The following H3C4 variants were observed in gnomAD, a reference collection of about 807,000 sequenced individuals.
The protein encoded by H3C4 is H3 clustered histone 4.
Under a neutral mutation model 8.7 loss-of-function variants are expected in H3C4, and 10 were observed. That is an observed-to-expected ratio of 1.15 (90% CI 0.71 to 1.96). The LOEUF is 1.96. H3C4 is among the 30% of genes most tolerant of loss of function. H3C4 has a pLI of 0.00. For missense variants in H3C4, 216 were observed against 192.9 expected, an observed-to-expected ratio of 1.12 and a Z score of -0.71; for synonymous variants, 141 against 80.1, an observed-to-expected ratio of 1.76 and a Z score of -4.06.
At chr6:26,198,449 A>G (rs768339524), upstream of H3C4, among the ~76,000 whole-genome samples, 1 of 152,114 alleles carries the variant, frequency 6.6e-6, no homozygotes, top group African/African-American at 2.4e-5. Flanking sequence ...CTCCTGCCTC[A>G]ACCTCTTAAA....
chr6:26,199,040 GC>G, upstream of H3C4: 2 of 1,614,182 alleles, frequency 1.2e-6, no homozygotes, highest in Non-Finnish European at 1.7e-6. Context: ...GGGCGGCGTT[GC>G]CCGCCAGCTC....
Position 26,197,252 on chromosome 6 carries a change from G to A in H3C4, c.-2C>T, listed in dbSNP as rs779876735. On this transcript the variant is annotated 5_prime_UTR_variant, in exon 1 of 1. Coordinates refer to ENST00000356476, the MANE Select transcript of H3C4 (RefSeq NM_001376937.1). Reference sequence around the variant, plus strand: ...AGCAGTCTGCTTGGTACGAGCCATTGCGAACTTCTAAACCCTGCTAAATGA... The same window carrying A: ...AGCAGTCTGCTTGGTACGAGCCATTACGAACTTCTAAACCCTGCTAAATGA... 189 of 1,609,528 alleles carry A rather than the reference G, an allele frequency of 1.2e-4. No individual in the cohort carries two copies. The highest frequency in any genetic ancestry group is 1.5e-4 in the Non-Finnish European group (175 of 1,178,922).
chr6:26,199,053 A>G (rs761680583), upstream of H3C4: 3 of 1,614,094 alleles, frequency 1.9e-6, no homozygotes, highest in Non-Finnish European at 2.5e-6. Context: ...CGCCAGCTCC[A>G]GGATCTCGGC....
At chr6:26,197,881 TAAAAAA>T (rs79006416), upstream of H3C4, among the ~76,000 whole-genome samples, 2 of 105,202 alleles carry the variant, frequency 1.9e-5, no homozygotes, top group African/African-American at 7.1e-5. Context: ...TAATCTGCTG[TAAAAAA>T]AAAAAAAAAA....
upstream of H3C4, among the ~76,000 whole-genome samples, chr6:26,198,375 A>G (rs1354226356): frequency 1.3e-5 from 2 of 152,182 alleles, no homozygotes; most frequent in Non-Finnish European, 2.9e-5. Context: ...TCTGTCGCCG[A>G]AACTGGAGTG....
At chr6:26,198,543 A>T (rs1021231197), upstream of H3C4, among the ~76,000 whole-genome samples, 3 of 152,180 alleles carry the variant, frequency 2.0e-5, no homozygotes, top group African/African-American at 7.2e-5. Context: ...CATGTTGGTC[A>T]GGCTGTCCTG....
At chr6:26,198,760 A>G (rs1765047507), upstream of H3C4, 5 of 1,292,522 alleles carry the variant, frequency 3.9e-6, no homozygotes, top group South Asian at 1.3e-5. Context: ...TACACAGAAA[A>G]TGTGAGCCCT....
rs2113856843 is a variant in H3C4 at position 26,197,145 on chromosome 6, C to T, written c.106G>A (p.Val36Met). Residue 36 changes from valine (V) to methionine (M), a missense_variant, in exon 1 of 1, where the codon GTG (valine) becomes ATG (methionine). Coordinates refer to ENST00000356476, the MANE Select transcript of H3C4 (RefSeq NM_001376937.1). The stretch of plus-strand genomic sequence containing the variant: ...GGCCGGTAACGGTGGGGCTTCTTCA[C>T]GCCGCCGGTGGCTGGAGCGCTCTTT... ...ARKSAPATGG[V>M]KKPHRYRPGT... 6.2e-7 allele frequency: 1 copy of T among 1,614,174 alleles called. No homozygotes were observed. The highest frequency in any genetic ancestry group is 1.3e-5 in the African/African-American group (1 of 75,068).
chr6:26,198,701 C>A (rs944562659), upstream of H3C4: 334 of 712,888 alleles, frequency 4.7e-4, 1 homozygote, highest in Middle Eastern at 1.1e-3. Flanking sequence ...GTTAAGAACA[C>A]CCACTTATAA....
chr6:26,198,908 G>T (rs1329427878), upstream of H3C4: 1 of 1,614,110 alleles, frequency 6.2e-7, no homozygotes, highest in Non-Finnish European at 8.5e-7. Flanking sequence ...GTACAGCCTG[G>T]ATGTTGGGCA....
chr6:26,197,294 T>C (rs760100332), upstream of H3C4: 2 of 1,583,124 alleles, frequency 1.3e-6, no homozygotes, highest in South Asian at 1.1e-5. Flanking sequence ...AACGAAAGTC[T>C]AGCCTTTCGT....
In H3C4 at chr6:26,197,023, C is replaced by A. The variant is rs574058085; in HGVS notation, c.228G>T (p.Ala76=). ...AACGCAGATCAGTCTTGAAGTCCTGCGCGATCTCACGGACTAGACGCTGGA... is the reference window on the plus strand; with the variant it reads ...AACGCAGATCAGTCTTGAAGTCCTGAGCGATCTCACGGACTAGACGCTGGA... ...LPFQRLVREI[A]QDFKTDLRFQ... The change falls in exon 1 of 1, where the codon GCG becomes GCT. Residue 76 remains alanine, a synonymous_variant. Transcript: ENST00000356476. The A allele has an allele frequency of 4.3e-6, 7 of 1,614,222 alleles. No homozygotes were observed. The African/African-American group carries it at 9.3e-5, about 22-fold the overall frequency.
upstream of H3C4, chr6:26,199,111 C>G (rs746957898): frequency 2.5e-6 from 4 of 1,614,054 alleles, no homozygotes; most frequent in African/African-American, 2.7e-5. Context: ...GCGCCGGCCC[C>G]GACTCGCTCG....
upstream of H3C4, chr6:26,199,176 C>T: frequency 6.2e-7 from 1 of 1,614,070 alleles, no homozygotes; most frequent in Non-Finnish European, 8.5e-7. Flanking sequence ...GAACTGGAGT[C>T]CGGCCCGCGA....
rs201284600 is a variant in H3C4, at chr6:26,196,990, G to C, written c.261C>G (p.Ser87Arg). Residue 87 changes from serine (S) to arginine (R), a missense_variant, in exon 1 of 1, where the codon AGC becomes AGG. Transcript: ENST00000356476. The part of the protein sequence containing the change: ...QDFKTDLRFQ[S>R]SAVMALQEAC... ...CCTCCTGCAGCGCCATCACCGCCGA[G>C]CTCTGAAAACGCAGATCAGTCTTGA... 2 of 1,614,228 alleles carry C rather than the reference G, an allele frequency of 1.2e-6. No individual in the cohort carries two copies. Among genetic ancestry groups the C allele is most frequent in the Non-Finnish European group, 1.7e-6 (2 of 1,180,032 alleles).
rs781151752 is a variant in H3C4, at chr6:26,196,809, G to C, written c.*31C>G. 16 of 1,611,740 alleles carry C rather than the reference G, an allele frequency of 9.9e-6. No homozygotes were observed. The highest frequency in any genetic ancestry group is 1.7e-5 in the Admixed American group (1 of 59,214). On this transcript the variant is annotated 3_prime_UTR_variant, in exon 1 of 1. Coordinates refer to ENST00000356476, the MANE Select transcript of H3C4 (RefSeq NM_001376937.1). ...TGGTTGGCTCTGAAAAGAGCCTTTG[G>C]GTTTTGGTTAGCACACATTCACAAG...
chr6:26,198,852 T>C (rs1351583142), upstream of H3C4: 2 of 1,611,778 alleles, frequency 1.2e-6, no homozygotes, highest in South Asian at 2.2e-5. Context: ...GTTCTCGTTT[T>C]ACTTGCCCTT....
Position 26,197,281 on chromosome 6 carries a change from A to G in H3C4, c.-31T>C. The G allele has an allele frequency of 6.3e-7, 1 of 1,589,824 alleles. No individual in the cohort carries two copies. ...ACTTCTAAACCCTGCTAAATGACGA[A>G]AAAACGAAAGTCTAGCCTTTCGTAC... On this transcript the variant is annotated 5_prime_UTR_variant, in exon 1 of 1. Coordinates refer to ENST00000356476, the MANE Select transcript of H3C4 (RefSeq NM_001376937.1).
chr6:26,198,787 G>A (rs977706074), upstream of H3C4: 17 of 1,493,234 alleles, frequency 1.1e-5, no homozygotes, highest in Non-Finnish European at 1.5e-5. Flanking sequence ...GAATACATGG[G>A]TGGCTCTGAA....
Sources: allele counts gnomAD v4.1 joint callset (sites outside exome capture counted in the v4.1 genomes callset), GRCh38; gene constraint gnomAD v4.1.1; transcripts MANE v1.5; gene names NCBI Gene and HGNC (gene_info 2026-07-23, HGNC 2026-07-21).